Variants in TBC1D14 observed in about 807,000 individuals in gnomAD.
The protein encoded by TBC1D14 is TBC1 domain family member 14, also known as TBC1 domain family, member 14.
Under a neutral mutation model 79.0 loss-of-function variants are expected in TBC1D14, and 26 were observed. The observed-to-expected ratio is 0.33, with a 90% CI of 0.24 to 0.46. The LOEUF (loss-of-function observed/expected upper bound fraction) is 0.46, where lower values mean the gene tolerates loss of function less well. Among genes scored for constraint, TBC1D14 ranks in the 20% least tolerant of loss-of-function variants. TBC1D14 has a pLI of 1.00. For missense variants in TBC1D14, 769 were observed against 887.6 expected (o/e 0.87, Z 1.70); for synonymous variants, 394 against 349.9 (o/e 1.13, Z -1.40).
intron 2 of TBC1D14, among the ~76,000 whole-genome samples, chr4:6,951,587 T>C (rs1205051279): frequency 6.6e-6 from 1 of 152,204 alleles, no homozygotes; most frequent in African/African-American, 2.4e-5. Flanking sequence ...CTACACCCCC[T>C]CCCTCACAGA....
At chr4:6,933,455 C>CCATCACA (rs1429665375) in intron 2 of TBC1D14, among the ~76,000 whole-genome samples, 1 of 151,458 alleles carries the variant, frequency 6.6e-6, no homozygotes, top group Non-Finnish European at 1.5e-5. Context: ...CAGACGTGCG[C>CCATCACA]CATCACACAC....
At chr4:6,994,833 C>T (rs1718845920) in intron 4 of TBC1D14, among the ~76,000 whole-genome samples, 1 of 149,988 alleles carries the variant, frequency 6.7e-6, no homozygotes, top group Non-Finnish European at 1.5e-5. Context: ...AATTACACTC[C>T]AGCCTGGGCA....
chr4:7,022,622 G>A (rs10022657), intron 12 of TBC1D14, among the ~76,000 whole-genome samples: 65,176 of 151,936 alleles, frequency 0.43, 14,556 homozygotes, highest in East Asian at 0.6. Flanking sequence ...GTCGCAGCAC[G>A]GCGTCAGCAG....
intron 2 of TBC1D14, among the ~76,000 whole-genome samples, chr4:6,932,813 C>T (rs74918940): frequency 0.023 from 3,465 of 152,130 alleles, 59 homozygotes; most frequent in South Asian, 0.041. Flanking sequence ...GAGGAGTTGC[C>T]GTGGTGTTTT....
chr4:6,988,770 C>G (rs139673980), intron 3 of TBC1D14, among the ~76,000 whole-genome samples: 1 of 151,990 alleles, frequency 6.6e-6, no homozygotes, highest in Non-Finnish European at 1.5e-5. Flanking sequence ...CTTCCAGTAG[C>G]AGGTTATTGA....
chr4:6,951,782 G>A (rs1238980852), intron 2 of TBC1D14, among the ~76,000 whole-genome samples: 1 of 152,144 alleles, frequency 6.6e-6, no homozygotes, highest in African/African-American at 2.4e-5. Context: ...CTTAATGTTT[G>A]GAAGACTTCA....
chr4:6,972,886 G>T (rs1716341303), intron 3 of TBC1D14, among the ~76,000 whole-genome samples: 1 of 152,182 alleles, frequency 6.6e-6, no homozygotes. Flanking sequence ...ATTTGAGCAG[G>T]TGTCAGAGGC....
At chr4:6,919,737 C>T (rs924925083) in intron 1 of TBC1D14, among the ~76,000 whole-genome samples, 3 of 152,162 alleles carry the variant, frequency 2.0e-5, no homozygotes, top group Non-Finnish European at 4.4e-5. Flanking sequence ...TCTCCTGCCT[C>T]AGCCTCCTGA....
At chr4:6,996,856 A>T (rs1018477536) in intron 5 of TBC1D14, among the ~76,000 whole-genome samples, 1 of 152,266 alleles carries the variant, frequency 6.6e-6, no homozygotes, top group African/African-American at 2.4e-5. Context: ...ACTGTGTAAG[A>T]TAGAAATACT....
intron 12 of TBC1D14, among the ~76,000 whole-genome samples, chr4:7,020,915 T>C (rs1721764833): frequency 1.3e-5 from 2 of 152,188 alleles, no homozygotes; most frequent in African/African-American, 4.8e-5. Context: ...AAAAGACGAT[T>C]GTACCTCCTC....
intron 7 of TBC1D14, chr4:7,001,580 G>C: frequency 3.7e-6 from 1 of 272,686 alleles, no homozygotes; most frequent in South Asian, 4.7e-5. Flanking sequence ...GAAGGGGCAG[G>C]TGGTTCTTGC....
chr4:7,019,288 G>A (rs539220019), intron 12 of TBC1D14, among the ~76,000 whole-genome samples: 6 of 152,296 alleles, frequency 3.9e-5, no homozygotes, highest in African/African-American at 1.4e-4. Flanking sequence ...CCAAAGTGCT[G>A]GGATTACAGA....
At position 6,923,510 on chromosome 4, in the gene TBC1D14, C is replaced by T. The variant is rs34860182; in HGVS notation, c.121C>T (p.Leu41Phe). 1 of 1,614,130 alleles carries T rather than the reference C, an allele frequency of 6.2e-7. No homozygotes were observed. The highest frequency in any genetic ancestry group is 1.7e-5 in the Admixed American group (1 of 60,016). Residue 41 changes from leucine (L) to phenylalanine (F), a missense_variant, in exon 2 of 14, where the codon CTC (leucine) becomes TTC (phenylalanine). Leu to Phe is a conservative substitution (Grantham distance 22). Coordinates refer to ENST00000409757, the MANE Select transcript of TBC1D14 (RefSeq NM_020773.3). The part of the protein sequence containing the change: ...QHVNLKAPRL[L>F]SAPEYGPKLK... ...CGTCAATCTCAAGGCGCCCCGACTCCTCTCCGCGCCTGAGTACGGGCCCAA... is the reference window on the plus strand; with the variant it reads ...CGTCAATCTCAAGGCGCCCCGACTCTTCTCCGCGCCTGAGTACGGGCCCAA...
chr4:6,952,698 T>A (rs569112718), intron 2 of TBC1D14, among the ~76,000 whole-genome samples: 2 of 152,282 alleles, frequency 1.3e-5, no homozygotes, highest in South Asian at 2.1e-4. Flanking sequence ...TTTTAAGGGA[T>A]GATGGAGCTG....
At chr4:7,028,575 C>T (rs1355372047) in intron 13 of TBC1D14, among the ~76,000 whole-genome samples, 3 of 151,960 alleles carry the variant, frequency 2.0e-5, no homozygotes, top group East Asian at 1.9e-4. Context: ...TACAGGCGCC[C>T]GCCTCCATGC....
chr4:7,007,004 A>G (rs942921703), intron 9 of TBC1D14, among the ~76,000 whole-genome samples: 5 of 152,122 alleles, frequency 3.3e-5, no homozygotes, highest in Non-Finnish European at 7.4e-5. Flanking sequence ...CTGGTCTGAG[A>G]GGGTCCCCAT....
Position 7,010,779 on chromosome 4 carries a change from C to T in TBC1D14, c.1645C>T (p.Leu549Phe). ...QMAFFRVDHGLMLTYFAAFEV... is the reference protein window; with the variant it reads ...QMAFFRVDHGFMLTYFAAFEV... Reference sequence around the variant, plus strand: ...GGCGTTTTTTAGAGTGGACCATGGCCTTGTGAGTATCCTCTGTGTTCGGGC... The same window carrying T: ...GGCGTTTTTTAGAGTGGACCATGGCTTTGTGAGTATCCTCTGTGTTCGGGC... The change falls in exon 11 of 14, where the codon CTT becomes TTT. Residue 549 changes from leucine (L) to phenylalanine (F), a missense_variant and splice_region_variant. Leu to Phe is a conservative substitution (Grantham distance 22). Coordinates refer to ENST00000409757, the MANE Select transcript of TBC1D14 (RefSeq NM_020773.3). 3.7e-6 allele frequency: 6 copies of T among 1,613,342 alleles called. No homozygotes were observed. The highest frequency in any genetic ancestry group is 5.1e-6 in the Non-Finnish European group (6 of 1,179,710).
chr4:6,990,069 G>A (rs977176731), intron 3 of TBC1D14, among the ~76,000 whole-genome samples: 23 of 152,214 alleles, frequency 1.5e-4, no homozygotes, highest in Non-Finnish European at 3.1e-4. Flanking sequence ...TTTATGTACT[G>A]TGTTTTATTG....
intron 1 of TBC1D14, among the ~76,000 whole-genome samples, chr4:6,916,382 C>T (rs1723404007): frequency 6.6e-6 from 1 of 152,172 alleles, no homozygotes; most frequent in African/African-American, 2.4e-5. Context: ...CATGACTTCT[C>T]CCTGAAGCCA....
Sources: allele counts gnomAD v4.1 joint callset (sites outside exome capture counted in the v4.1 genomes callset), GRCh38; gene constraint gnomAD v4.1.1; transcripts MANE v1.5; gene names NCBI Gene and HGNC (gene_info 2026-07-23, HGNC 2026-07-21).